Variants in HERC4 observed in about 807,000 individuals in gnomAD.
HERC4 encodes the protein HECT and RLD domain containing E3 ubiquitin protein ligase 4.
HERC4 carries 28 observed loss-of-function variants against 124.3 expected under a neutral mutation model. The ratio of observed to expected loss-of-function variants is 0.23; its 90% CI spans 0.17 to 0.31. The LOEUF (loss-of-function observed/expected upper bound fraction) is 0.31, where lower values mean the gene tolerates loss of function less well. HERC4 is among the 10% of genes least tolerant of loss of function. The pLI, the probability that HERC4 is intolerant of heterozygous loss-of-function variation, is 1.00. For synonymous variants in HERC4, 407 were observed against 421.5 expected (o/e 0.97, Z 0.42); for missense variants, 713 against 1,229.3 (o/e 0.58, Z 6.28).
chr10:67,968,121 G>C (rs2132467246), intron 15 of HERC4, among the ~76,000 whole-genome samples: 1 of 152,178 alleles, frequency 6.6e-6, no homozygotes, highest in East Asian at 1.9e-4. Flanking sequence ...AGAGGATAGA[G>C]CTCAAGCAGA....
rs964591956 is a variant in HERC4 at position 68,069,584 on chromosome 10, G to A, written c.226+3299C>T. 5 of 985,260 alleles carry A rather than the reference G, an allele frequency of 5.1e-6. No individual in the cohort carries two copies. In the South Asian group the frequency reaches 2.3e-4, roughly 46 times the overall value. 61.0% of individuals were successfully genotyped at this position (985,260 alleles called of 1,614,324 possible). ...CTACATTGTCAGGCCAAGTCCTCCA[G>A]TAGGTTATTATGAATCTCGAGAATA... On this transcript the variant is annotated intron_variant, in intron 3 of 24. Coordinates refer to ENST00000373700, the MANE Select transcript of HERC4 (RefSeq NM_015601.4).
chr10:68,016,482 G>T (rs1280331994), intron 8 of HERC4, among the ~76,000 whole-genome samples: 1 of 152,002 alleles, frequency 6.6e-6, no homozygotes, highest in African/African-American at 2.4e-5. Flanking sequence ...CCTCCCAAGT[G>T]GCTGGGACTA....
intron 9 of HERC4, among the ~76,000 whole-genome samples, chr10:67,999,998 G>A (rs1259387583): frequency 6.6e-6 from 1 of 152,046 alleles, no homozygotes; most frequent in African/African-American, 2.4e-5. Context: ...TGAGAACAAC[G>A]GTTACTTAAT....
intron 19 of HERC4, among the ~76,000 whole-genome samples, chr10:67,952,878 C>T (rs12769018): frequency 1.2e-4 from 18 of 149,100 alleles, no homozygotes; most frequent in South Asian, 2.1e-4. Context: ...CCAGCCTGGG[C>T]GACAGAGGGA....
intron 9 of HERC4, among the ~76,000 whole-genome samples, chr10:67,997,574 C>A (rs1009083769): frequency 6.6e-6 from 1 of 152,064 alleles, no homozygotes; most frequent in Admixed American, 6.5e-5. Context: ...TATCCCCCAC[C>A]CAAATAGATC....
chr10:68,028,322 AAGAAG>A (rs931558098), intron 7 of HERC4, among the ~76,000 whole-genome samples: 5 of 151,218 alleles, frequency 3.3e-5, no homozygotes, highest in African/African-American at 9.7e-5. Context: ...ATTGATTTGC[AAGAAG>A]AGAAGATCAC....
At chr10:67,950,977 A>T (rs560900465) in intron 19 of HERC4, among the ~76,000 whole-genome samples, 6 of 152,182 alleles carry the variant, frequency 3.9e-5, no homozygotes, top group Non-Finnish European at 8.8e-5. Context: ...ATAAACCTGG[A>T]ATGTTTACCG....
intron 9 of HERC4, 191 bp from the exon 10 acceptor site, chr10:67,992,873 C>CGA: frequency 2.2e-6 from 1 of 458,776 alleles, no homozygotes; most frequent in Non-Finnish European, 3.9e-6. Flanking sequence ...GAACATTAAA[C>CGA]GATCCCACAA....
intron 23 of HERC4, among the ~76,000 whole-genome samples, chr10:67,928,686 G>T (rs896234641): frequency 6.6e-6 from 1 of 152,140 alleles, no homozygotes; most frequent in Non-Finnish European, 1.5e-5. Flanking sequence ...ACTTTGGGAG[G>T]CCGAGGCGAG....
intron 8 of HERC4, among the ~76,000 whole-genome samples, chr10:68,024,448 A>G (rs2038798877): frequency 1.3e-5 from 2 of 152,182 alleles, no homozygotes; most frequent in South Asian, 2.1e-4. Flanking sequence ...CCATATAATA[A>G]AAGTGCAAAG....
intron 3 of HERC4, among the ~76,000 whole-genome samples, chr10:68,046,093 A>C (rs1210508192): frequency 1.3e-5 from 2 of 152,206 alleles, no homozygotes; most frequent in African/African-American, 4.8e-5. Flanking sequence ...GAAACATACA[A>C]AAACAAAAAA....
In HERC4 at chr10:68,073,000, G is replaced by C; in HGVS notation, c.109C>G (p.Arg37Gly). The change falls in exon 3 of 25, where the codon CGA (arginine) becomes GGA (glycine). Residue 37 changes from arginine to glycine, a missense_variant. Transcript: ENST00000373700. ...TGTCTGAGTCCACATCCTACATCTCGGACCCTTTTATTTATAAAGAAGTCA... is the reference window on the plus strand; with the variant it reads ...TGTCTGAGTCCACATCCTACATCTCCGACCCTTTTATTTATAAAGAAGTCA... The part of the protein sequence containing the change: ...KSDFFINKRV[R>G]DVGCGLRHTV... 6.2e-7 allele frequency: 1 copy of C among 1,613,572 alleles called. No individual in the cohort carries two copies.
At chr10:67,932,511 T>C in intron 23 of HERC4, 86 bp downstream of exon 23, 1 of 1,174,866 alleles carries the variant, frequency 8.5e-7, no homozygotes, top group Non-Finnish European at 1.2e-6. Context: ...ATAAAGTGTA[T>C]AAAATAAAAA....
intron 1 of HERC4, chr10:68,074,066 C>T (rs528101155): frequency 6.6e-6 from 1 of 152,250 alleles, no homozygotes; most frequent in East Asian, 1.9e-4. Flanking sequence ...CAAATAACTC[C>T]AGCACTGCAG....
Position 68,014,145 on chromosome 10 carries a change from T to A in HERC4, c.950A>T (p.Tyr317Phe). The change falls in exon 9 of 25, where the codon TAC becomes TTC. Residue 317 changes from tyrosine (Y) to phenylalanine (F), a missense_variant. Physicochemically the swap from Tyr to Phe is conservative, Grantham distance 22 (BLOSUM62 3). Transcript: ENST00000373700. The stretch of plus-strand genomic sequence containing the variant: ...CCCATTACCACCAAGCCCAAAAGAG[T>A]AAATTCGTCCTGATGAAGGAACAAA... ...SAFVPSSGRI[Y>F]SFGLGGNGQL... 1 of 1,612,980 alleles carries A rather than the reference T, an allele frequency of 6.2e-7. No individual in the cohort carries two copies. Among genetic ancestry groups the A allele is most frequent in the Non-Finnish European group, 8.5e-7 (1 of 1,179,666 alleles).
intron 19 of HERC4, among the ~76,000 whole-genome samples, chr10:67,943,892 A>G (rs2033120215): frequency 6.6e-6 from 1 of 152,204 alleles, no homozygotes; most frequent in African/African-American, 2.4e-5. Flanking sequence ...AGTGGGAACA[A>G]TTTTGCCTTG....
At chr10:68,021,506 T>G (rs1340438782) in intron 8 of HERC4, among the ~76,000 whole-genome samples, 1 of 152,144 alleles carries the variant, frequency 6.6e-6, no homozygotes, top group Non-Finnish European at 1.5e-5. Context: ...CAGAGCAATT[T>G]TGCAAGAATA....
At chr10:68,000,011 G>A (rs952392736) in intron 9 of HERC4, among the ~76,000 whole-genome samples, 5 of 152,000 alleles carry the variant, frequency 3.3e-5, no homozygotes, top group African/African-American at 9.7e-5. Context: ...TACTTAATCC[G>A]GTATGACAAG....
At chr10:68,031,718 A>G (rs542839321) in intron 7 of HERC4, among the ~76,000 whole-genome samples, 2 of 152,318 alleles carry the variant, frequency 1.3e-5, no homozygotes, top group South Asian at 2.1e-4. Flanking sequence ...CCAAGTAGAA[A>G]TATAATGTAG....
Sources: allele counts gnomAD v4.1 joint callset (sites outside exome capture counted in the v4.1 genomes callset), GRCh38; gene constraint gnomAD v4.1.1; transcripts MANE v1.5; gene names NCBI Gene and HGNC (gene_info 2026-07-23, HGNC 2026-07-21).